NOS1: variants seen among roughly 807,000 people sequenced by gnomAD.
The protein encoded by NOS1 is nitric oxide synthase 1.
NOS1 carries 51 observed loss-of-function variants against 164.5 expected under a neutral mutation model. That is an observed-to-expected ratio of 0.31 (90% CI 0.25 to 0.39). The LOEUF is 0.39. Ranked by LOEUF, NOS1 falls within the 10% of genes least tolerant of loss-of-function variation. The pLI, the probability that NOS1 is intolerant of heterozygous loss-of-function variation, is 1.00. For synonymous variants in NOS1, 719 were observed against 745.8 expected (o/e 0.96, Z 0.59); for missense variants, 1,362 against 1,885.6 (o/e 0.72, Z 5.14).
chr12:117,225,110 G>A lies in NOS1; in HGVS notation c.3732C>T (p.Asn1244=), dbSNP rs1868540146. The A allele has an allele frequency of 6.2e-7, 1 of 1,613,796 alleles. No homozygotes were observed. ...RGAPSFHLPR[N]PQVPCILVGP... ...CAACGAGGATGCAGGGGACTTGGGG[G>A]TTCCGGGGCAGGTGGAAGCTGGGTG... The change falls in exon 25 of 29, where the codon AAC becomes AAT. Residue 1244 remains asparagine, a synonymous_variant. Transcript: ENST00000317775.
At position 117,227,587 on chromosome 12, in the gene NOS1, C is replaced by T. The variant is rs1566028128; in HGVS notation, c.3460G>A (p.Val1154Met). 6.2e-7 allele frequency: 1 copy of T among 1,614,048 alleles called. No homozygotes were observed. The highest frequency in any genetic ancestry group is 1.1e-5 in the South Asian group (1 of 91,056). The change falls in exon 23 of 29, where the codon GTG (valine) becomes ATG (methionine). Residue 1154 changes from valine (V) to methionine (M), a missense_variant. By Grantham distance (21) the Val-to-Met change is conservative. Transcript: ENST00000317775. ...KWGKNPTIVE[V>M]LEEFPSIQMP... ...TGGATAGATGGGAACTCCTCCAGCA[C>T]CTCCACGATGGTGGGGTTCTTGCCC...
Position 117,330,925 on chromosome 12 carries a change from C to A in NOS1, c.145G>T (p.Gly49Trp). 1 of 1,614,062 alleles carries A rather than the reference C, an allele frequency of 6.2e-7. No individual in the cohort carries two copies. Among genetic ancestry groups the A allele is most frequent in the East Asian group, 2.2e-5 (1 of 44,870 alleles). The change falls in exon 2 of 29, where the codon GGG (glycine) becomes TGG (tryptophan). Residue 49 changes from glycine (G) to tryptophan (W), a missense_variant. By Grantham distance (184) the Gly-to-Trp change is radical (BLOSUM62 -2). This residue lies in a region of NOS1 where 362 missense variants were observed against 402.0 expected (regional missense o/e 0.90). Coordinates refer to ENST00000317775, the MANE Select transcript of NOS1 (RefSeq NM_000620.5). This position sits in a 1 kb window ranked among gnomAD's most constrained non-coding sequence, Gnocchi z 4.6. ...PPVIISDLIRGGAAEQSGLIQ... is the reference protein window; with the variant it reads ...PPVIISDLIRWGAAEQSGLIQ... The stretch of plus-strand genomic sequence containing the variant: ...AGGCCACTCTGCTCTGCGGCGCCCC[C>A]ACGAATCAGGTCAGAGATGATCACG...
Position 117,243,241 on chromosome 12 carries a change from C to T in NOS1, c.2962+56G>A. The T allele has an allele frequency of 6.2e-7, 1 of 1,601,276 alleles. No homozygotes were observed. Among genetic ancestry groups the T allele is most frequent in the Non-Finnish European group, 8.5e-7 (1 of 1,173,698 alleles). Reference sequence around the variant, plus strand: ...TCTAAGCACCTTCTGGAGGTGAGATCACCTGCCTTTCCCCCATTGTCACGA... The same window carrying T: ...TCTAAGCACCTTCTGGAGGTGAGATTACCTGCCTTTCCCCCATTGTCACGA... On this transcript the variant is annotated intron_variant, in intron 19 of 28. Coordinates refer to ENST00000317775, the MANE Select transcript of NOS1 (RefSeq NM_000620.5). The surrounding 1 kb of genome is among the most constrained non-coding windows in gnomAD (Gnocchi z 4.3).
chr12:117,209,021 C>A lies in NOS1; in HGVS notation c.*6288G>T, dbSNP rs1452137730. The stretch of plus-strand genomic sequence containing the variant: ...TACAGGCATGAGCCACCACGCCTGG[C>A]CTGGGAGGGGTTTTTGAAAGCATAC... On this transcript the variant is annotated 3_prime_UTR_variant, in exon 29 of 29. Transcript: ENST00000317775. 1 of 984,996 alleles carries A rather than the reference C, an allele frequency of 1.0e-6. No individual in the cohort carries two copies. Among genetic ancestry groups the A allele is most frequent in the Non-Finnish European group, 1.2e-6 (1 of 829,714 alleles). 61.0% of individuals were successfully genotyped at this position (984,996 alleles called of 1,614,324 possible). A position where few individuals can be genotyped will look rare whatever the true frequency, so the allele number is the denominator to read the frequency against.
In NOS1 at chr12:117,305,880, C is replaced by T. The variant is rs538917312; in HGVS notation, c.852+5586G>A. On this transcript the variant is annotated intron_variant, in intron 3 of 28. Transcript: ENST00000317775. ...AGTCTCGGCTCACTGAAACCTCCAACTCCCAGGCTCAAGCAATTCTTGTGC... is the reference window on the plus strand; with the variant it reads ...AGTCTCGGCTCACTGAAACCTCCAATTCCCAGGCTCAAGCAATTCTTGTGC... Among the ~76,000 whole-genome samples, 8 of 151,588 alleles carry T rather than the reference C, an allele frequency of 5.3e-5. 1 individual carries two copies. Among genetic ancestry groups the T allele is most frequent in the East Asian group, 2.0e-4 (1 of 5,116 alleles).
At chr12:117,331,759 C>T (rs1274684599) in intron 1 of NOS1, among the ~76,000 whole-genome samples, 2 of 152,162 alleles carry the variant, frequency 1.3e-5, no homozygotes, top group Non-Finnish European at 2.9e-5. Flanking sequence ...CATGGACAGT[C>T]AGCCCCAGAA....
intron 3 of NOS1, among the ~76,000 whole-genome samples, chr12:117,303,288 AG>A (rs1338013170): frequency 1.3e-5 from 2 of 152,186 alleles, no homozygotes; most frequent in Non-Finnish European, 2.9e-5. Context: ...ACGGCCCGCA[AG>A]CCTGTCCCCC....
At position 117,263,901 on chromosome 12, in the gene NOS1, T is replaced by C; in HGVS notation, c.2210A>G (p.Lys737Arg). ...TPTKRRAIGF[K>R]KLAEAVKFSA... ...GCACGAAACTTACTCTGCTAGCTTC[T>C]TGAAGCCAATGGCTCGCCGCTTTGT... The change falls in exon 13 of 29, where the codon AAG becomes AGG. Residue 737 changes from lysine to arginine, a missense_variant. Physicochemically the swap from Lys to Arg is conservative, Grantham distance 26. Around this residue, in one of 4 missense-constraint regions of NOS1, gnomAD observed 737 missense variants for 1,030.3 expected, o/e 0.72. Transcript: ENST00000317775. 1.2e-6 allele frequency: 2 copies of C among 1,613,874 alleles called. No homozygotes were observed. Among genetic ancestry groups the C allele is most frequent in the Non-Finnish European group, 8.5e-7 (1 of 1,179,822 alleles).
At position 117,208,692 on chromosome 12, in the gene NOS1, A is replaced by T; in HGVS notation, c.*6617T>A. On this transcript the variant is annotated 3_prime_UTR_variant, in exon 29 of 29. Coordinates refer to ENST00000317775, the MANE Select transcript of NOS1 (RefSeq NM_000620.5). ...ACACCAAGGACACAGTGTCTTATTG[A>T]AACAGACTGCCATCCTCTGTTCTGG... 1 of 1,049,484 alleles carries T rather than the reference A, an allele frequency of 9.5e-7. No homozygotes were observed. Among genetic ancestry groups the T allele is most frequent in the Non-Finnish European group, 1.2e-6 (1 of 868,382 alleles). The allele number at this position is 1,049,484 out of a possible 1,614,324, so 65.0% of individuals were successfully genotyped here. A position where few individuals can be genotyped will look rare whatever the true frequency, so the allele number is the denominator to read the frequency against.
intron 26 of NOS1, among the ~76,000 whole-genome samples, chr12:117,221,997 T>G (rs767573924): frequency 1.3e-5 from 2 of 151,866 alleles, no homozygotes; most frequent in African/African-American, 4.8e-5. Context: ...CATGTAACAT[T>G]TACCGTCGTA....
In NOS1 at chr12:117,280,709, G is replaced by A. The variant is rs1873574100; in HGVS notation, c.1524+16C>T. On this transcript the variant is annotated intron_variant, in intron 8 of 28. Transcript: ENST00000317775. ...AGCCCATGTTGGGGCAGGGTAGGGG[G>A]CGGAAACGCTCGCACCTCTGTGAAC... The A allele has an allele frequency of 6.2e-7, 1 of 1,610,286 alleles. No individual in the cohort carries two copies. The highest frequency in any genetic ancestry group is 8.5e-7 in the Non-Finnish European group (1 of 1,177,460).
chr12:117,273,201 T>C (rs907176312), intron 9 of NOS1, among the ~76,000 whole-genome samples: 3 of 152,232 alleles, frequency 2.0e-5, no homozygotes, highest in African/African-American at 7.2e-5. Context: ...TGAGTAATTA[T>C]GTGTGTAAGA....
chr12:117,343,429 T>A (rs1876209497), intron 1 of NOS1, among the ~76,000 whole-genome samples: 2 of 152,210 alleles, frequency 1.3e-5, no homozygotes, highest in Admixed American at 6.5e-5. Context: ...TTTCCATAAT[T>A]CTGAGAATTC....
chr12:117,233,528 C>T (rs998713858), intron 21 of NOS1, among the ~76,000 whole-genome samples: 14 of 149,796 alleles, frequency 9.3e-5, no homozygotes, highest in South Asian at 2.3e-4. Context: ...ATGTCTCAGC[C>T]GGGTGCGGTG....
chr12:117,311,573 G>T lies in NOS1; in HGVS notation c.745C>A (p.His249Asn), dbSNP rs752685698. 1 of 1,611,978 alleles carries T rather than the reference G, an allele frequency of 6.2e-7. No individual in the cohort carries two copies. The highest frequency in any genetic ancestry group is 8.5e-7 in the Non-Finnish European group (1 of 1,178,912). Residue 249 changes from histidine to asparagine, a missense_variant, in exon 3 of 29, where the codon CAC becomes AAC. His to Asn is a moderately conservative substitution (Grantham distance 68). Transcript: ENST00000317775. Reference sequence around the variant, plus strand: ...TCCACGCCGAGGGGCAGAGGTTTGTGTGACTTGCCGTCCAAATCTCTGAAA... The same window carrying T: ...TCCACGCCGAGGGGCAGAGGTTTGTTTGACTTGCCGTCCAAATCTCTGAAA... ...QVDRDLDGKSHKPLPLGVEND... is the reference protein window; with the variant it reads ...QVDRDLDGKSNKPLPLGVEND...
rs577434976 is a variant in NOS1, at chr12:117,234,488, G to A, written c.3235+77C>T. 2 of 1,475,718 alleles carry A rather than the reference G, an allele frequency of 1.4e-6. No homozygotes were observed. The highest frequency in any genetic ancestry group is 1.9e-6 in the Non-Finnish European group (2 of 1,079,912). 91.4% of individuals were successfully genotyped at this position (1,475,718 alleles called of 1,614,324 possible). ...TCCTGCCTGGACTGGTGATTGGGAA[G>A]AAAAGGTATCTTCTTCCCGAGACAC... On this transcript the variant is annotated intron_variant, in intron 21 of 28. Coordinates refer to ENST00000317775, the MANE Select transcript of NOS1 (RefSeq NM_000620.5). The surrounding 1 kb of genome is among the most constrained non-coding windows in gnomAD (Gnocchi z 4.3).
chr12:117,239,724 A>G (rs1451907435), intron 20 of NOS1, among the ~76,000 whole-genome samples: 1 of 144,840 alleles, frequency 6.9e-6, no homozygotes, highest in South Asian at 2.2e-4. Context: ...TTTTTTTTTT[A>G]TAAGCCTTAT....
At position 117,210,210 on chromosome 12, in the gene NOS1, G is replaced by C; in HGVS notation, c.*5099C>G. 1.3e-6 allele frequency: 1 copy of C among 792,434 alleles called. No homozygotes were observed. The highest frequency in any genetic ancestry group is 5.7e-5 in the South Asian group (1 of 17,412). The allele number at this position is 792,434 out of a possible 1,614,324, so 49.1% of individuals were successfully genotyped here. On this transcript the variant is annotated 3_prime_UTR_variant, in exon 29 of 29. Transcript: ENST00000317775. ...TGCCCAAGCTGGTCTCAAACTCCTG[G>C]CCCCAAGTGATCCTCCCACCTCAGT...
chr12:117,268,235 C>T (rs1305411075), intron 10 of NOS1, 91 bp from the exon 11 acceptor site: 2 of 900,210 alleles, frequency 2.2e-6, no homozygotes, highest in East Asian at 2.5e-5. Flanking sequence ...GAAATAATTT[C>T]TTTTCTTTTT....
Sources: gnomAD v4.1 joint callset for allele counts (sites outside exome capture counted in the v4.1 genomes callset) on GRCh38, gnomAD v4.1.1 for gene constraint, gnomAD v4.1.1 regional missense constraint, Gnocchi (gnomAD v3.1) non-coding constraint, MANE v1.5 for transcripts, NCBI Gene and HGNC (gene_info 2026-07-23, HGNC 2026-07-21) for gene names.